The following MARK3 variants were observed in gnomAD, a reference collection of about 807,000 sequenced individuals.
MARK3 encodes MAP/microtubule affinity-regulating kinase 3.
A neutral mutation model predicts 90.1 loss-of-function variants in MARK3; 46 were observed. That is an observed-to-expected ratio of 0.51 (90% CI 0.40 to 0.65). MARK3 has a LOEUF of 0.65. MARK3 is among the 30% of genes least tolerant of loss of function. The probability of loss-of-function intolerance (pLI) is 0.00; values close to 1 mark genes in which losing one functional copy is unlikely to be tolerated. For missense variants in MARK3, 818 were observed against 947.2 expected (o/e 0.86, Z 1.79); for synonymous variants, 321 against 332.6 (o/e 0.97, Z 0.38).
At chr14:103,421,470 G>C (rs2092218318) in intron 2 of MARK3, among the ~76,000 whole-genome samples, 1 of 151,996 alleles carries the variant, frequency 6.6e-6, no homozygotes, top group African/African-American at 2.4e-5. Flanking sequence ...TTTTTATTTT[G>C]TTCATGTCTT....
At chr14:103,454,259 T>G (rs903577386) in intron 5 of MARK3, among the ~76,000 whole-genome samples, 1 of 152,022 alleles carries the variant, frequency 6.6e-6, no homozygotes, top group Admixed American at 6.5e-5. Context: ...GGTTTTTTTT[T>G]TTTTCTTTTT....
intron 2 of MARK3, among the ~76,000 whole-genome samples, chr14:103,406,496 C>T (rs533850910): frequency 4.6e-5 from 7 of 152,154 alleles, no homozygotes; most frequent in Admixed American, 3.3e-4. Context: ...CTCAGCCTCC[C>T]AAAGTGCTGG....
intron 3 of MARK3, among the ~76,000 whole-genome samples, chr14:103,440,176 A>G (rs2048682235): frequency 6.6e-6 from 1 of 152,232 alleles, no homozygotes; most frequent in Non-Finnish European, 1.5e-5. Flanking sequence ...AAGAATATGT[A>G]GTATCCCATT....
Position 103,480,509 on chromosome 14 carries a change from T to A in MARK3, c.1586+19T>A. 6.6e-7 allele frequency: 1 copy of A among 1,509,582 alleles called. No individual in the cohort carries two copies. Among genetic ancestry groups the A allele is most frequent in the Non-Finnish European group, 9.1e-7 (1 of 1,094,444 alleles). 93.5% of individuals were successfully genotyped at this position (1,509,582 alleles called of 1,614,324 possible). On this transcript the variant is annotated intron_variant, in intron 14 of 17. Transcript: ENST00000429436. The stretch of plus-strand genomic sequence containing the variant: ...AAAACAGGTAGGAGATTCTACCTGT[T>A]TGTAAGAAAAGTTGTTTTTCCCAAG...
chr14:103,465,450 G>T (rs544360425), intron 7 of MARK3, 107 bp from the exon 8 acceptor site: 5 of 705,612 alleles, frequency 7.1e-6, no homozygotes, highest in African/African-American at 3.5e-5. Context: ...TTAATTAGGA[G>T]GTAACTTCAT....
intron 1 of MARK3, among the ~76,000 whole-genome samples, chr14:103,396,802 C>G (rs931380228): frequency 6.6e-6 from 1 of 152,018 alleles, no homozygotes; most frequent in Non-Finnish European, 1.5e-5. Flanking sequence ...TTTCCTTCAT[C>G]TCACCCAAAT....
At chr14:103,405,517 A>AT (rs1362364639) in intron 2 of MARK3, among the ~76,000 whole-genome samples, 1 of 151,972 alleles carries the variant, frequency 6.6e-6, no homozygotes, top group Non-Finnish European at 1.5e-5. Flanking sequence ...CACCCAGCTA[A>AT]TTTTTTGTAG....
At chr14:103,398,951 A>G (rs530330338) in intron 1 of MARK3, among the ~76,000 whole-genome samples, 1 of 152,290 alleles carries the variant, frequency 6.6e-6, no homozygotes, top group Admixed American at 6.5e-5. Context: ...TGTTTTACAG[A>G]AGGGATCAAG....
In MARK3 at chr14:103,500,215, TTTTAC is replaced by T. The variant is rs746420615; in HGVS notation, c.1916+18_1916+22del. ...GAGGGCTCAAGGTGAGGGAAATGATTTTTACTTAAAATTTTTTTCAGGTGTTTACT... is the reference window on the plus strand; with the variant it reads ...GAGGGCTCAAGGTGAGGGAAATGATTTTAAAATTTTTTTCAGGTGTTTACT... On this transcript the variant is annotated intron_variant, in intron 17 of 17. Coordinates refer to ENST00000429436, the MANE Select transcript of MARK3 (RefSeq NM_001128918.3). 1 of 1,585,222 alleles carries T rather than the reference TTTTAC, an allele frequency of 6.3e-7. No homozygotes were observed. Among genetic ancestry groups the T allele is most frequent in the South Asian group, 1.2e-5 (1 of 85,626 alleles).
At chr14:103,400,772 G>C (rs2090905190) in intron 1 of MARK3, among the ~76,000 whole-genome samples, 1 of 151,896 alleles carries the variant, frequency 6.6e-6, no homozygotes, top group South Asian at 2.1e-4. Context: ...GTACGCACCT[G>C]TAGTACCAGC....
At chr14:103,452,829 C>T (rs2093185917) in intron 5 of MARK3, among the ~76,000 whole-genome samples, 1 of 152,210 alleles carries the variant, frequency 6.6e-6, no homozygotes, top group Admixed American at 6.5e-5. Flanking sequence ...AAGGTTCATC[C>T]ATGCTGTAGC....
chr14:103,461,296 T>A (rs2093396124), intron 6 of MARK3, among the ~76,000 whole-genome samples: 1 of 152,252 alleles, frequency 6.6e-6, no homozygotes, highest in African/African-American at 2.4e-5. Context: ...AATGCAGGAA[T>A]ATATTTCTAT....
At chr14:103,399,238 C>T (rs2090783387) in intron 1 of MARK3, among the ~76,000 whole-genome samples, 1 of 152,124 alleles carries the variant, frequency 6.6e-6, no homozygotes, top group South Asian at 2.1e-4. Context: ...ATTTACAATT[C>T]ATGCTTCTTT....
chr14:103,472,439 C>G (rs1482625116), intron 12 of MARK3, among the ~76,000 whole-genome samples: 1 of 151,670 alleles, frequency 6.6e-6, no homozygotes, highest in East Asian at 1.9e-4. Flanking sequence ...GTCAGGAGAT[C>G]GAGAACATCC....
chr14:103,416,734 T>C (rs2091959594), intron 2 of MARK3, among the ~76,000 whole-genome samples: 1 of 152,072 alleles, frequency 6.6e-6, no homozygotes, highest in Non-Finnish European at 1.5e-5. Context: ...ATCGCACCAC[T>C]GCAGTCCAGC....
intron 16 of MARK3, 114 bp downstream of exon 16, chr14:103,498,642 G>T: frequency 1.0e-6 from 1 of 993,114 alleles, no homozygotes; most frequent in South Asian, 3.1e-5. Flanking sequence ...TAAACTTTCT[G>T]CTGATAACTA....
chr14:103,491,051 G>A (rs1224647430), intron 14 of MARK3: 2 of 1,288,206 alleles, frequency 1.6e-6, no homozygotes, highest in African/African-American at 3.0e-5. Context: ...CAGCCTCTGG[G>A]CACCCCAAGA....
At chr14:103,386,496 G>A in intron 1 of MARK3, 1 of 448,806 alleles carries the variant, frequency 2.2e-6, no homozygotes, top group Non-Finnish European at 4.4e-6. Flanking sequence ...ATATGTTACC[G>A]GTGCTGATTA....
intron 2 of MARK3, chr14:103,412,152 C>T: frequency 7.3e-7 from 1 of 1,372,544 alleles, no homozygotes. Flanking sequence ...CCGTGGTGCT[C>T]TTGATATATA....
Sources: gnomAD v4.1 joint callset for allele counts (sites outside exome capture counted in the v4.1 genomes callset) on GRCh38, gnomAD v4.1.1 for gene constraint, MANE v1.5 for transcripts, NCBI Gene and HGNC (gene_info 2026-07-23, HGNC 2026-07-21) for gene names.